RAB33A: variants seen among roughly 807,000 people sequenced by gnomAD.
RAB33A encodes the protein RAB33A, member RAS oncogene family, also known as ras-related protein Rab-33A.
In RAB33A, 6 loss-of-function variants were observed where a neutral mutation model predicts 12.0. That is an observed-to-expected ratio of 0.50 (90% confidence interval 0.27 to 0.99). The LOEUF is 0.99. Among genes scored for constraint, RAB33A ranks in the 50% least tolerant of loss-of-function variants. The probability of loss-of-function intolerance (pLI) is 0.11; values close to 1 mark genes in which losing one functional copy is unlikely to be tolerated. For synonymous variants in RAB33A, 70 were observed against 82.4 expected (o/e 0.85, Z 0.81); for missense variants, 109 against 192.0 (o/e 0.57, Z 2.55).
chrX:130,118,991 G>A, the RAB33A span, among the ~76,000 whole-genome samples: 3 of 111,453 alleles, frequency 2.7e-5, no homozygotes, highest in African/African-American at 9.8e-5. Flanking sequence ...TTTCCTCGTC[G>A]CTGCCAAATT....
At chrX:130,118,209 G>C in the RAB33A span, among the ~76,000 whole-genome samples, 2 of 112,699 alleles carry the variant, frequency 1.8e-5, no homozygotes, top group Admixed American at 1.9e-4. Flanking sequence ...TTGGAGAGGA[G>C]AGATCAGGAG....
the RAB33A span, among the ~76,000 whole-genome samples, chrX:130,131,420 T>C: frequency 8.9e-6 from 1 of 112,688 alleles, no homozygotes. Flanking sequence ...AGCAGTGTCA[T>C]TGAGCTAGCC....
chrX:130,118,701 G>T, the RAB33A span, among the ~76,000 whole-genome samples: 2 of 111,807 alleles, frequency 1.8e-5, no homozygotes, highest in African/African-American at 6.5e-5. Context: ...GTGTGTGTGA[G>T]GGTGTATGAG....
At chrX:130,159,787 T>C in the RAB33A span, among the ~76,000 whole-genome samples, 49,354 of 104,077 alleles carry the variant, frequency 0.47, 9,821 homozygotes, top group African/African-American at 0.66. Context: ...TTGTCTCAAT[T>C]TGCCAAAAAA....
the RAB33A span, among the ~76,000 whole-genome samples, chrX:130,115,706 G>GA: frequency 1.4e-5 from 1 of 70,290 alleles, no homozygotes; most frequent in Non-Finnish European, 2.5e-5. Context: ...GAAGGAGAAA[G>GA]AAAAAAGAAA....
intron 1 of RAB33A, among the ~76,000 whole-genome samples, chrX:130,183,471 C>T (rs746583935): frequency 5.5e-5 from 6 of 109,146 alleles, no homozygotes; most frequent in East Asian, 5.9e-4. Flanking sequence ...AGGAGAATGG[C>T]GTGAACCTGG....
intron 1 of RAB33A, among the ~76,000 whole-genome samples, chrX:130,173,859 A>G (rs938859215): frequency 3.4e-4 from 38 of 112,256 alleles, no homozygotes; most frequent in African/African-American, 1.1e-3. Context: ...CAAAGTAGAA[A>G]TATCTTTACA....
the RAB33A span, among the ~76,000 whole-genome samples, chrX:130,140,993 G>A: frequency 8.9e-6 from 1 of 112,367 alleles, no homozygotes; most frequent in Admixed American, 9.4e-5. Context: ...GCATATGCCT[G>A]TGGTCCCAGC....
At chrX:130,116,751 T>C in the RAB33A span, among the ~76,000 whole-genome samples, 375 of 112,380 alleles carry the variant, frequency 3.3e-3, no homozygotes, top group African/African-American at 0.011. Flanking sequence ...GGAGGTGGAC[T>C]CAGGTTAAAG....
the RAB33A span, among the ~76,000 whole-genome samples, chrX:130,120,773 G>A: frequency 1.8e-5 from 2 of 112,136 alleles, no homozygotes; most frequent in Non-Finnish European, 3.8e-5. Context: ...CCTTTTTCTC[G>A]CTACCCCCTT....
At chrX:130,131,321 TGAAA>T in the RAB33A span, among the ~76,000 whole-genome samples, 2 of 112,061 alleles carry the variant, frequency 1.8e-5, no homozygotes, top group Admixed American at 9.5e-5. Flanking sequence ...AAATGACAAC[TGAAA>T]GAAAGAAAAA....
At chrX:130,175,873 G>A (rs209547) in intron 1 of RAB33A, among the ~76,000 whole-genome samples, 55,759 of 110,237 alleles carry the variant, frequency 0.51, 11,039 homozygotes, top group African/African-American at 0.74. Context: ...CAGATTCTGT[G>A]ATCCAGTGTC....
At chrX:130,171,956 G>GCA (rs760046074), upstream of RAB33A, 10 of 885,463 alleles carry the variant, frequency 1.1e-5, no homozygotes, top group East Asian at 3.5e-5. Context: ...ACACACGCGC[G>GCA]CACACACACA....
chrX:130,117,168 T>C, the RAB33A span, among the ~76,000 whole-genome samples: 72 of 112,135 alleles, frequency 6.4e-4, no homozygotes, highest in Non-Finnish European at 1.1e-3. Flanking sequence ...GAGCCGAGAT[T>C]GTGCCACTGC....
the RAB33A span, among the ~76,000 whole-genome samples, chrX:130,136,366 T>A: frequency 8.9e-6 from 1 of 111,840 alleles, no homozygotes; most frequent in Admixed American, 9.5e-5. Flanking sequence ...CCCATGCACA[T>A]CCCCCATGTC....
At chrX:130,135,803 C>T in the RAB33A span, among the ~76,000 whole-genome samples, 4 of 111,400 alleles carry the variant, frequency 3.6e-5, no homozygotes, top group African/African-American at 6.5e-5. Context: ...TAAGTAGAAC[C>T]GGAAGAGCTC....
Position 130,184,321 on chromosome X carries a change from C to T in RAB33A, c.295C>T (p.Arg99Cys). ...VWDTAGQERF[R>C]KSMVEHYYRN... is the part of the protein sequence containing the mutation. ...GGACACAGCAGGTCAGGAACGTTTC[C>T]GCAAAAGCATGGTCGAGCATTACTA... Residue 99 changes from arginine to cysteine, a missense_variant, in exon 2 of 2, where the codon CGC (arginine) becomes TGC (cysteine). By Grantham distance (180) the Arg-to-Cys change is radical. Coordinates refer to ENST00000257017, the MANE Select transcript of RAB33A (RefSeq NM_004794.3). The T allele has an allele frequency of 8.3e-7, 1 of 1,211,440 alleles. No homozygotes were observed. The highest frequency in any genetic ancestry group is 1.1e-6 in the Non-Finnish European group (1 of 895,172).
At chrX:130,153,405 T>C in the RAB33A span, among the ~76,000 whole-genome samples, 1 of 95,427 alleles carries the variant, frequency 1.0e-5, no homozygotes, top group Non-Finnish European at 2.1e-5. Context: ...TTTTGGAGGG[T>C]AAAGTGGGAG....
chrX:130,157,847 C>T, the RAB33A span, among the ~76,000 whole-genome samples: 1 of 107,247 alleles, frequency 9.3e-6, no homozygotes, highest in Non-Finnish European at 1.9e-5. Flanking sequence ...CCCAGCTACT[C>T]GGGAGGCTGA....
Sources: allele counts gnomAD v4.1 joint callset (sites outside exome capture counted in the v4.1 genomes callset), GRCh38; gene constraint gnomAD v4.1.1; transcripts MANE v1.5; gene names NCBI Gene and HGNC (gene_info 2026-07-23, HGNC 2026-07-21).